Variants in ANO1 observed in about 807,000 individuals in gnomAD.
ANO1 encodes anoctamin 1.
A neutral mutation model predicts 124.0 loss-of-function variants in ANO1; 59 were observed. The ratio of observed to expected loss-of-function variants is 0.48; its 90% CI spans 0.39 to 0.59. The LOEUF is 0.59. ANO1 is among the 20% of genes least tolerant of loss of function. ANO1 has a pLI of 0.00. For synonymous variants in ANO1, 529 were observed against 532.0 expected, an observed-to-expected ratio of 0.99 and a Z score of 0.08; for missense variants, 1,059 against 1,328.0, an observed-to-expected ratio of 0.80 and a Z score of 3.15.
intron 6 of ANO1, among the ~76,000 whole-genome samples, chr11:70,108,991 C>G (rs1409930600): frequency 1.3e-5 from 2 of 152,230 alleles, no homozygotes; most frequent in African/African-American, 2.4e-5. Context: ...AACCACCCCC[C>G]ACAGTGGGTC....
chr11:70,026,827 C>A (rs1856916293), intron 1 of ANO1, among the ~76,000 whole-genome samples: 1 of 152,298 alleles, frequency 6.6e-6, no homozygotes, highest in Admixed American at 6.5e-5. Context: ...TGCCACTGTG[C>A]TGACCTCACA....
chr11:70,035,598 C>T (rs1011149592), intron 1 of ANO1, among the ~76,000 whole-genome samples: 74 of 151,562 alleles, frequency 4.9e-4, no homozygotes, highest in African/African-American at 1.7e-3. Context: ...TATACAGGTG[C>T]ATTGGTGGTT....
chr11:70,049,895 A>G (rs1857325294), intron 1 of ANO1, among the ~76,000 whole-genome samples: 1 of 151,986 alleles, frequency 6.6e-6, no homozygotes, highest in Non-Finnish European at 1.5e-5. Flanking sequence ...TAATTTTTGT[A>G]TTTTTAGTAG....
chr11:70,176,752 C>T (rs1156471238), intron 22 of ANO1, among the ~76,000 whole-genome samples: 1 of 152,154 alleles, frequency 6.6e-6, no homozygotes, highest in Non-Finnish European at 1.5e-5. Flanking sequence ...TGGGGGTGCC[C>T]TGGCCGAGAC....
intron 2 of ANO1, among the ~76,000 whole-genome samples, chr11:70,089,340 C>T (rs552197260): frequency 6.6e-6 from 1 of 152,260 alleles, no homozygotes; most frequent in South Asian, 2.1e-4. Flanking sequence ...GCTTTTGGTC[C>T]AGTGATAAGA....
rs184399806 is a variant in ANO1 at position 70,163,263 on chromosome 11, G to A, written c.1893-20G>A. 6.3e-5 allele frequency: 101 copies of A among 1,611,630 alleles called. No homozygotes were observed. The African/African-American group carries it at 9.2e-4, about 15-fold the overall frequency. ...GCCAGGGGCTCATCTTTTCTCTAACGACCTCCCCCATCGTTTCAGGTTTGT... is the reference window on the plus strand; with the variant it reads ...GCCAGGGGCTCATCTTTTCTCTAACAACCTCCCCCATCGTTTCAGGTTTGT... On this transcript the variant is annotated intron_variant, in intron 18 of 25. Coordinates refer to ENST00000355303, the MANE Select transcript of ANO1 (RefSeq NM_018043.7).
chr11:69,999,672 C>T (rs1856344456), intron 1 of ANO1, among the ~76,000 whole-genome samples: 2 of 152,316 alleles, frequency 1.3e-5, no homozygotes, highest in South Asian at 4.1e-4. Flanking sequence ...GGGCTCATCT[C>T]TGAATCAATG....
intron 1 of ANO1, among the ~76,000 whole-genome samples, chr11:70,067,219 C>T (rs1193608138): frequency 2.0e-5 from 3 of 152,138 alleles, no homozygotes; most frequent in Non-Finnish European, 4.4e-5. Context: ...GCTTAACCAC[C>T]TCTGAGCATC....
intron 11 of ANO1, among the ~76,000 whole-genome samples, chr11:70,145,091 G>A (rs1385393528): frequency 6.6e-6 from 1 of 152,228 alleles, no homozygotes; most frequent in Non-Finnish European, 1.5e-5. Flanking sequence ...GGTGAGGAGG[G>A]AGGGCTCAGG....
chr11:70,165,856 C>T (rs1565269274), intron 20 of ANO1, among the ~76,000 whole-genome samples: 1 of 151,802 alleles, frequency 6.6e-6, no homozygotes, highest in Non-Finnish European at 1.5e-5. Context: ...TGCACCTCTA[C>T]AAAAAAATAA....
At chr11:70,015,987 AC>A (rs1555001883) in intron 1 of ANO1, among the ~76,000 whole-genome samples, 2 of 151,672 alleles carry the variant, frequency 1.3e-5, no homozygotes, top group African/African-American at 4.8e-5. Flanking sequence ...CAGACGATGA[AC>A]TGCTTGGCTT....
intron 11 of ANO1, among the ~76,000 whole-genome samples, chr11:70,148,792 A>T (rs536333146): frequency 6.6e-6 from 1 of 152,186 alleles, no homozygotes; most frequent in African/African-American, 2.4e-5. Context: ...CTGGGGGCCC[A>T]GGGGAACGAG....
rs1356823848 is a variant in ANO1, at chr11:70,161,610, C to A, written c.1781-12C>A. The A allele has an allele frequency of 4.3e-6, 7 of 1,612,354 alleles. No individual in the cohort carries two copies. Among genetic ancestry groups the A allele is most frequent in the Non-Finnish European group, 5.1e-6 (6 of 1,178,486 alleles). ...AGCCACAGCCTCAGTATCATCCTAC[C>A]CCTCCCTCTAGAGGTCCCAAAGACG... On this transcript the variant is annotated splice_polypyrimidine_tract_variant and intron_variant, in intron 17 of 25. Coordinates refer to ENST00000355303, the MANE Select transcript of ANO1 (RefSeq NM_018043.7).
At chr11:70,000,338 TC>T (rs1856358898) in intron 1 of ANO1, among the ~76,000 whole-genome samples, 1 of 151,818 alleles carries the variant, frequency 6.6e-6, no homozygotes, top group African/African-American at 2.4e-5. Flanking sequence ...GGATGCACAC[TC>T]CCCACCAATC....
chr11:69,971,475 T>C, the ANO1 span, among the ~76,000 whole-genome samples: 4 of 152,356 alleles, frequency 2.6e-5, no homozygotes, highest in East Asian at 5.8e-4. Flanking sequence ...TAGAGGCCAC[T>C]TGCTTTTGCT....
chr11:70,058,982 G>T (rs1229936978), intron 1 of ANO1, among the ~76,000 whole-genome samples: 11 of 151,292 alleles, frequency 7.3e-5, no homozygotes, highest in Admixed American at 2.0e-4. Context: ...AGGAGATCAA[G>T]ACCATCCTGG....
rs368417838 is a variant in ANO1 at position 70,103,049 on chromosome 11, T to A, written c.442-17T>A. Reference sequence around the variant, plus strand: ...GCACCGCCCCCCCTCAACCCAGAACTTTCCTTCTCTCTCCAGACTAAAATC... The same window carrying A: ...GCACCGCCCCCCCTCAACCCAGAACATTCCTTCTCTCTCCAGACTAAAATC... On this transcript the variant is annotated splice_polypyrimidine_tract_variant and intron_variant, in intron 2 of 25. Coordinates refer to ENST00000355303, the MANE Select transcript of ANO1 (RefSeq NM_018043.7). 305 of 1,595,566 alleles carry A rather than the reference T, an allele frequency of 1.9e-4. 1 individual carries two copies. Among genetic ancestry groups the A allele is most frequent in the Non-Finnish European group, 2.4e-4 (278 of 1,169,638 alleles).
intron 1 of ANO1, among the ~76,000 whole-genome samples, chr11:70,049,663 T>C (rs994202741): frequency 9.2e-5 from 14 of 152,200 alleles, no homozygotes; most frequent in Middle Eastern, 3.4e-3. Context: ...CTACCTAATC[T>C]TCTATGAATC....
At chr11:70,022,381 G>A (rs4980741) in intron 1 of ANO1, among the ~76,000 whole-genome samples, 16 of 152,158 alleles carry the variant, frequency 1.1e-4, no homozygotes, top group African/African-American at 3.1e-4. Context: ...AGTGGATCAC[G>A]TGAGGTCAGG....
Sources: gnomAD v4.1 joint callset for allele counts (sites outside exome capture counted in the v4.1 genomes callset) on GRCh38, gnomAD v4.1.1 for gene constraint, MANE v1.5 for transcripts, NCBI Gene and HGNC (gene_info 2026-07-23, HGNC 2026-07-21) for gene names.